Variants in DEPDC5 observed in about 807,000 individuals in gnomAD.
DEPDC5 encodes GATOR1 complex protein DEPDC5.
Under a neutral mutation model 217.3 loss-of-function variants are expected in DEPDC5, and 73 were observed. The ratio of observed to expected loss-of-function variants is 0.34; its 90% confidence interval spans 0.28 to 0.41. The LOEUF is 0.41. DEPDC5 is among the 10% of genes least tolerant of loss of function. DEPDC5 has a pLI of 1.00. For missense variants in DEPDC5, 1,675 were observed against 2,070.1 expected, an observed-to-expected ratio of 0.81 and a Z score of 3.70; for synonymous variants, 733 against 756.7, an observed-to-expected ratio of 0.97 and a Z score of 0.51.
chr22:31,766,516 G>A (rs1270564979), intron 5 of DEPDC5, 69 bp from the exon 6 acceptor site: 8 of 1,466,830 alleles, frequency 5.5e-6, no homozygotes, highest in Non-Finnish European at 7.6e-6. Context: ...CATGGTAAGT[G>A]GGCATTACCT....
chr22:31,760,328 A>G (rs1439236500), intron 3 of DEPDC5, among the ~76,000 whole-genome samples: 1 of 151,906 alleles, frequency 6.6e-6, no homozygotes, highest in African/African-American at 2.4e-5. Context: ...TCGGCCTCCC[A>G]AAGTGCTGGG....
At chr22:31,878,606 A>T (rs1211470389) in intron 37 of DEPDC5, among the ~76,000 whole-genome samples, 36 of 151,932 alleles carry the variant, frequency 2.4e-4, no homozygotes, top group Non-Finnish European at 2.9e-5. Flanking sequence ...ACAGCTACTC[A>T]AGAAGCTGAA....
At chr22:31,862,196 C>T (rs149016327) in intron 33 of DEPDC5, among the ~76,000 whole-genome samples, 2 of 150,900 alleles carry the variant, frequency 1.3e-5, no homozygotes, top group African/African-American at 2.4e-5. Context: ...GAGCCGAGAT[C>T]GTGCCATTGC....
intron 7 of DEPDC5, among the ~76,000 whole-genome samples, chr22:31,773,558 A>G (rs1193630212): frequency 6.6e-6 from 1 of 152,150 alleles, no homozygotes; most frequent in Non-Finnish European, 1.5e-5. Flanking sequence ...GGTTAAATGT[A>G]AACTACAGTC....
intron 32 of DEPDC5, among the ~76,000 whole-genome samples, chr22:31,859,527 G>T (rs958767405): frequency 6.6e-6 from 1 of 152,036 alleles, no homozygotes; most frequent in African/African-American, 2.4e-5. Context: ...CAGTAGCTGG[G>T]ATTACAGGCG....
rs2091770692 is a variant in DEPDC5 at position 31,846,925 on chromosome 22, C to A, written c.3113C>A (p.Thr1038Asn). The A allele has an allele frequency of 1.2e-6, 2 of 1,614,154 alleles. No homozygotes were observed. The highest frequency in any genetic ancestry group is 8.5e-7 in the Non-Finnish European group (1 of 1,180,052). Residue 1038 changes from threonine (T) to asparagine (N), a missense_variant, in exon 31 of 43, where the codon ACC becomes AAC. Physicochemically the swap from Thr to Asn is moderately conservative, Grantham distance 65 (BLOSUM62 0). Coordinates refer to ENST00000651528, the MANE Select transcript of DEPDC5 (RefSeq NM_001242896.3). ...GCACCCCCAGTGGGGAAGAAGGGAA[C>A]CTCAGCTCTCTCTGCCCTGTTGGAG... ...STAPPVGKKG[T>N]SALSALLEME... is the part of the protein sequence containing the mutation.
intron 29 of DEPDC5, 111 bp from the exon 30 acceptor site, chr22:31,844,907 T>A: frequency 9.3e-7 from 1 of 1,076,340 alleles, no homozygotes; most frequent in Non-Finnish European, 1.4e-6. Flanking sequence ...AATGAGCACA[T>A]ACTCATGGGG....
chr22:31,853,538 A>G (rs915695842), intron 31 of DEPDC5: 1 of 152,174 alleles, frequency 6.6e-6, no homozygotes, highest in Admixed American at 6.5e-5. Context: ...ATTCCATTTT[A>G]TTATGCAAAA....
intron 21 of DEPDC5, chr22:31,817,075 A>G: frequency 6.2e-6 from 1 of 160,264 alleles, no homozygotes; most frequent in Non-Finnish European, 1.4e-5. Flanking sequence ...AATGGTACAC[A>G]TTGTTTCTGT....
chr22:31,848,873 A>G (rs777539636), intron 31 of DEPDC5, among the ~76,000 whole-genome samples: 8 of 152,062 alleles, frequency 5.3e-5, no homozygotes, highest in Non-Finnish European at 8.8e-5. Flanking sequence ...TCCGCCAGAT[A>G]CCCTAAATCA....
At chr22:31,853,965 G>A (rs993706187) in intron 31 of DEPDC5, among the ~76,000 whole-genome samples, 1 of 152,250 alleles carries the variant, frequency 6.6e-6, no homozygotes, top group East Asian at 1.9e-4. Flanking sequence ...CGTGAAGGGC[G>A]TCTGCGTGCT....
At chr22:31,800,169 G>T (rs924845701) in intron 14 of DEPDC5, among the ~76,000 whole-genome samples, 1 of 152,020 alleles carries the variant, frequency 6.6e-6, no homozygotes, top group Non-Finnish European at 1.5e-5. Flanking sequence ...CATTTCCTGG[G>T]TCTATTAAGT....
chr22:31,807,895 T>C (rs1449658773), intron 18 of DEPDC5, among the ~76,000 whole-genome samples: 1 of 152,066 alleles, frequency 6.6e-6, no homozygotes, highest in African/African-American at 2.4e-5. Flanking sequence ...TCTTATTCCC[T>C]TTTCTTTTTT....
At chr22:31,861,543 G>T in intron 33 of DEPDC5, 110 bp downstream of exon 33, 1 of 1,154,340 alleles carries the variant, frequency 8.7e-7, no homozygotes, top group Non-Finnish European at 1.3e-6. Context: ...AGTTTGGGGG[G>T]CAGTTGAACT....
rs1381616433 is a variant in DEPDC5 at position 31,803,698 on chromosome 22, A to T, written c.1082-464A>T. ...AAGGTGGAGGTTGCAGTGAGCCGTG[A>T]TCTCACGCCACTGCATGTCAGCCTG... On this transcript the variant is annotated intron_variant, in intron 15 of 42. Coordinates refer to ENST00000651528, the MANE Select transcript of DEPDC5 (RefSeq NM_001242896.3). Among the ~76,000 whole-genome samples the T allele has an allele frequency of 2.6e-5, 4 of 152,050 alleles. No homozygotes were observed. The East Asian group carries it at 7.7e-4, about 29-fold the overall frequency.
chr22:31,809,748 G>C (rs1436819586), intron 19 of DEPDC5, 101 bp downstream of exon 19: 3 of 1,241,138 alleles, frequency 2.4e-6, no homozygotes, highest in African/African-American at 1.5e-5. Flanking sequence ...GGGAGGCCAA[G>C]GTTGGTGGAT....
At chr22:31,864,553 AT>A (rs2092630765) in intron 33 of DEPDC5, among the ~76,000 whole-genome samples, 1 of 136,994 alleles carries the variant, frequency 7.3e-6, no homozygotes, top group African/African-American at 2.7e-5. Flanking sequence ...TACTGTGTGT[AT>A]TTCTTCATTT....
chr22:31,821,733 G>C (rs1407976467), intron 23 of DEPDC5, 96 bp downstream of exon 23: 2 of 1,530,788 alleles, frequency 1.3e-6, no homozygotes, highest in Admixed American at 1.8e-5. Flanking sequence ...ATGTTGTTTA[G>C]AAGACTTGAA....
chr22:31,902,854 A>G (rs921839258), intron 41 of DEPDC5, among the ~76,000 whole-genome samples: 3 of 152,056 alleles, frequency 2.0e-5, no homozygotes, highest in Non-Finnish European at 2.9e-5. Flanking sequence ...AGCAGTCACC[A>G]GGGGGGACCC....
Sources: gnomAD v4.1 joint callset for allele counts (sites outside exome capture counted in the v4.1 genomes callset) on GRCh38, gnomAD v4.1.1 for gene constraint, MANE v1.5 for transcripts, NCBI Gene and HGNC (gene_info 2026-07-23, HGNC 2026-07-21) for gene names.